FIGNL2: variants seen among roughly 807,000 people sequenced by gnomAD.
FIGNL2 encodes the protein fidgetin like 2, also known as fidgetin-like protein 2.
For missense variants in FIGNL2, 1,060 were observed against 950.2 expected (o/e 1.12, Z -1.52); for synonymous variants, 565 against 484.0 (o/e 1.17, Z -2.20).
intron 1 of FIGNL2, chr12:51,825,940 T>C (rs1320313068): frequency 6.6e-6 from 1 of 152,156 alleles, no homozygotes; most frequent in East Asian, 1.9e-4. Flanking sequence ...GACCACCTGA[T>C]CTCTACTCTC....
chr12:51,820,321 A>AC lies in FIGNL2; in HGVS notation c.*130dup. On this transcript the variant is annotated 3_prime_UTR_variant, in exon 2 of 2. Coordinates refer to ENST00000618634, the MANE Select transcript of FIGNL2 (RefSeq NM_001384995.1). The stretch of plus-strand genomic sequence containing the variant: ...CGAAAAAAAAAATATCCACCGGCAG[A>AC]CCCCTCCTGTCCCCGATCCCACATT... 1 of 1,193,306 alleles carries AC rather than the reference A, an allele frequency of 8.4e-7. No individual in the cohort carries two copies. Among genetic ancestry groups the AC allele is most frequent in the East Asian group, 2.9e-5 (1 of 34,980 alleles). The allele number at this position is 1,193,306 out of a possible 1,614,324, so 73.9% of individuals were successfully genotyped here.
In FIGNL2 at chr12:51,822,108, C is replaced by T. The variant is rs1197423305; in HGVS notation, c.306G>A (p.Pro102=). ...GTGAGGCCAAGGGGTAGGGTGGCTCCGGCCCTGGCCAGGGCTCGGGATCCC... is the reference window on the plus strand; with the variant it reads ...GTGAGGCCAAGGGGTAGGGTGGCTCTGGCCCTGGCCAGGGCTCGGGATCCC... ...AKGDPEPWPG[P]EPPYPLASLH... The change falls in exon 2 of 2, where the codon CCG becomes CCA. Residue 102 remains proline, a synonymous_variant. Transcript: ENST00000618634. 2.5e-6 allele frequency: 4 copies of T among 1,610,832 alleles called. No individual in the cohort carries two copies. Among genetic ancestry groups the T allele is most frequent in the Non-Finnish European group, 2.5e-6 (3 of 1,178,676 alleles).
chr12:51,840,462 A>G (rs1381695817), intron 1 of FIGNL2, among the ~76,000 whole-genome samples: 2 of 152,246 alleles, frequency 1.3e-5, no homozygotes, highest in Non-Finnish European at 2.9e-5. Context: ...TTGGCCAGGC[A>G]CGGTGGTTCA....
intron 1 of FIGNL2, among the ~76,000 whole-genome samples, chr12:51,826,178 C>A (rs901087605): frequency 6.6e-6 from 1 of 152,114 alleles, no homozygotes; most frequent in African/African-American, 2.4e-5. Context: ...CCCGCCCCCC[C>A]CACACAGTTA....
At chr12:51,823,967 A>T (rs1939279823) in intron 1 of FIGNL2, 1 of 152,186 alleles carries the variant, frequency 6.6e-6, no homozygotes, top group African/African-American at 2.4e-5. Flanking sequence ...GGACCATGAA[A>T]AGTGAGGGAT....
Position 51,821,528 on chromosome 12 carries a change from A to G in FIGNL2, c.886T>C (p.Tyr296His), listed in dbSNP as rs999298120. Residue 296 changes from tyrosine to histidine, a missense_variant, in exon 2 of 2, where the codon TAC (tyrosine) becomes CAC (histidine). By Grantham distance (83) the Tyr-to-His change is moderately conservative. Transcript: ENST00000618634. ...CATTCGCCGTTGTCCGCGGCGGGGT[A>G]GGAGGCTCCGTCAGCCACGGGGGCC... ...AKAPVADGAS[Y>H]PAADNGECRG... 1 of 1,564,340 alleles carries G rather than the reference A, an allele frequency of 6.4e-7. No individual in the cohort carries two copies. Among genetic ancestry groups the G allele is most frequent in the Non-Finnish European group, 8.6e-7 (1 of 1,164,114 alleles).
intron 1 of FIGNL2, among the ~76,000 whole-genome samples, chr12:51,827,451 C>T (rs977606179): frequency 1.3e-5 from 2 of 151,910 alleles, no homozygotes; most frequent in Non-Finnish European, 2.9e-5. Flanking sequence ...GTCTCAAACT[C>T]CTGGCCTCAA....
At position 51,820,579 on chromosome 12, in the gene FIGNL2, G is replaced by A. The variant is rs763378368; in HGVS notation, c.1835C>T (p.Pro612Leu). ...GTAGGAGAGGGGGCGCTGCAGCCCCGGGAGGCCCGCCCCGGCCGCCGCCTG... is the reference window on the plus strand; with the variant it reads ...GTAGGAGAGGGGGCGCTGCAGCCCCAGGAGGCCCGCCCCGGCCGCCGCCTG... ...CQQAAAGAGL[P>L]GLQRPLSYKD... The change falls in exon 2 of 2, where the codon CCG becomes CTG. Residue 612 changes from proline to leucine, a missense_variant. Transcript: ENST00000618634. The A allele has an allele frequency of 3.9e-6, 6 of 1,527,728 alleles. No individual in the cohort carries two copies. In the South Asian group the frequency reaches 4.8e-5, roughly 12 times the overall value. The allele number at this position is 1,527,728 out of a possible 1,614,324, so 94.6% of individuals were successfully genotyped here.
rs535499406 is a variant in FIGNL2 at position 51,822,174 on chromosome 12, C to T, written c.240G>A (p.Leu80=). 2 of 1,611,778 alleles carry T rather than the reference C, an allele frequency of 1.2e-6. No individual in the cohort carries two copies. The highest frequency in any genetic ancestry group is 1.1e-5 in the South Asian group (1 of 90,614). ...VLDSPYERPA[L]GGYSDASFLN... ...GGAAGGAGGCGTCGCTGTACCCGCC[C>T]AGGGCCGGACGCTCGTAGGGAGAAT... Residue 80 remains leucine (L), a synonymous_variant, in exon 2 of 2, where the codon CTG becomes CTA. Coordinates refer to ENST00000618634, the MANE Select transcript of FIGNL2 (RefSeq NM_001384995.1).
chr12:51,820,424 C>T lies in FIGNL2; in HGVS notation c.*28G>A. On this transcript the variant is annotated 3_prime_UTR_variant, in exon 2 of 2. Transcript: ENST00000618634. The stretch of plus-strand genomic sequence containing the variant: ...GGAGGCGGCGGGGACGGAGGGACTG[C>T]GGCTCCCGCGGCCTCCCCCGCGCGC... The T allele has an allele frequency of 1.9e-6, 3 of 1,570,694 alleles. No homozygotes were observed. The highest frequency in any genetic ancestry group is 8.6e-7 in the Non-Finnish European group (1 of 1,166,702).
intron 1 of FIGNL2, among the ~76,000 whole-genome samples, chr12:51,834,558 G>T (rs1939548846): frequency 6.6e-6 from 1 of 152,222 alleles, no homozygotes. Context: ...TCCTCTCTGG[G>T]GTGGGAGATG....
chr12:51,844,327 C>T (rs1403697999), intron 1 of FIGNL2, among the ~76,000 whole-genome samples: 1 of 152,176 alleles, frequency 6.6e-6, no homozygotes, highest in African/African-American at 2.4e-5. Context: ...ACTAAGAACC[C>T]CCACTCTGCC....
intron 1 of FIGNL2, among the ~76,000 whole-genome samples, chr12:51,845,064 G>A (rs1009764723): frequency 6.6e-6 from 1 of 152,196 alleles, no homozygotes; most frequent in African/African-American, 2.4e-5. Flanking sequence ...AGAATGCAAA[G>A]TCTGGTGTCA....
At position 51,822,125 on chromosome 12, in the gene FIGNL2, C is replaced by G. The variant is rs746898857; in HGVS notation, c.289G>C (p.Glu97Gln). The G allele has an allele frequency of 6.2e-7, 1 of 1,610,746 alleles. No individual in the cohort carries two copies. The highest frequency in any genetic ancestry group is 8.5e-7 in the Non-Finnish European group (1 of 1,178,674). ...GGTGGCTCCGGCCCTGGCCAGGGCT[C>G]GGGATCCCCTTTGGCGCCGTTGAGG... ...SFLNGAKGDPEPWPGPEPPYP... is the reference protein window; with the variant it reads ...SFLNGAKGDPQPWPGPEPPYP... The change falls in exon 2 of 2, where the codon GAG becomes CAG. Residue 97 changes from glutamate (E) to glutamine (Q), a missense_variant. Physicochemically the swap from Glu to Gln is conservative, Grantham distance 29 (BLOSUM62 2). Coordinates refer to ENST00000618634, the MANE Select transcript of FIGNL2 (RefSeq NM_001384995.1).
At chr12:51,825,603 A>C (rs10747624) in intron 1 of FIGNL2, among the ~76,000 whole-genome samples, 129,039 of 150,470 alleles carry the variant, frequency 0.86, 55,528 homozygotes, top group East Asian at 0.98. Flanking sequence ...AGAGAGGGGA[A>C]CTTGTCCATG....
chr12:51,841,197 T>A (rs303788), intron 1 of FIGNL2, among the ~76,000 whole-genome samples: 7 of 152,178 alleles, frequency 4.6e-5, no homozygotes, highest in African/African-American at 1.7e-4. Context: ...GGTGGCCCCC[T>A]ACACCTGCAG....
chr12:51,827,781 C>T (rs576431642), intron 1 of FIGNL2, among the ~76,000 whole-genome samples: 32 of 152,310 alleles, frequency 2.1e-4, no homozygotes, highest in African/African-American at 7.5e-4. Flanking sequence ...GCCATTTCCC[C>T]AAAACCCAAG....
In FIGNL2 at chr12:51,822,234, T is replaced by G; in HGVS notation, c.180A>C (p.Leu60=). 6.2e-7 allele frequency: 1 copy of G among 1,611,440 alleles called. No individual in the cohort carries two copies. The highest frequency in any genetic ancestry group is 8.5e-7 in the Non-Finnish European group (1 of 1,178,878). Residue 60 remains leucine (L), a synonymous_variant, in exon 2 of 2, where the codon CTA becomes CTC. Transcript: ENST00000618634. ...CAGAGTACTTCTCTGCATAGCGCTT[T>G]AGGAGGTTGGAGGCAGTGAGGGCTG... The part of the protein sequence containing the change: ...DISALTASNL[L]KRYAEKYSGV...
At chr12:51,838,665 G>A (rs1260030447) in intron 1 of FIGNL2, among the ~76,000 whole-genome samples, 1 of 152,200 alleles carries the variant, frequency 6.6e-6, no homozygotes, top group African/African-American at 2.4e-5. Flanking sequence ...GGGCAGTGAA[G>A]GAGAGGTGGA....
Sources: allele counts gnomAD v4.1 joint callset (sites outside exome capture counted in the v4.1 genomes callset), GRCh38; gene constraint gnomAD v4.1.1; transcripts MANE v1.5; gene names NCBI Gene and HGNC (gene_info 2026-07-23, HGNC 2026-07-21).